Variants in NPAS3 observed in about 807,000 individuals in gnomAD.
The protein encoded by NPAS3 is neuronal PAS domain-containing protein 3.
A neutral mutation model predicts 73.1 loss-of-function variants in NPAS3; 14 were observed. The observed-to-expected ratio is 0.19, with a 90% CI of 0.13 to 0.30. The LOEUF (loss-of-function observed/expected upper bound fraction) is 0.30, where lower values mean the gene tolerates loss of function less well. Ranked by LOEUF, NPAS3 falls within the 10% of genes least tolerant of loss-of-function variation. NPAS3 has a pLI of 1.00. For missense variants in NPAS3, 1,096 were observed against 1,250.0 expected (o/e 0.88, Z 1.86); for synonymous variants, 620 against 541.5 (o/e 1.14, Z -2.01).
intron 1 of NPAS3, among the ~76,000 whole-genome samples, chr14:32,951,624 A>G (rs909336092): frequency 6.6e-6 from 1 of 152,154 alleles, no homozygotes; most frequent in Non-Finnish European, 1.5e-5. Context: ...CAATTGAGAC[A>G]GTAGAAGAAC....
chr14:33,665,230 G>A (rs930701891), intron 5 of NPAS3, among the ~76,000 whole-genome samples: 1 of 152,078 alleles, frequency 6.6e-6, no homozygotes, highest in African/African-American at 2.4e-5. Context: ...TCACTCATAA[G>A]TGGGAATTGA....
chr14:33,479,491 T>C (rs1183643883), intron 4 of NPAS3, among the ~76,000 whole-genome samples: 2 of 152,152 alleles, frequency 1.3e-5, no homozygotes, highest in Non-Finnish European at 2.9e-5. Context: ...ATGCAAATGT[T>C]ATAGATGACA....
intron 4 of NPAS3, among the ~76,000 whole-genome samples, chr14:33,413,896 C>T (rs1179422407): frequency 6.6e-6 from 1 of 152,008 alleles, no homozygotes; most frequent in Non-Finnish European, 1.5e-5. Flanking sequence ...GAATAAATTC[C>T]ATCACATTCC....
chr14:32,960,241 G>A (rs1227534666), intron 1 of NPAS3, among the ~76,000 whole-genome samples: 5 of 151,868 alleles, frequency 3.3e-5, no homozygotes, highest in African/African-American at 1.2e-4. Flanking sequence ...TCCTTACACT[G>A]ATTACCAAAG....
Position 33,033,789 on chromosome 14 carries a change from T to G in NPAS3, c.51-22116T>G, listed in dbSNP as rs1481647744. Among the ~76,000 whole-genome samples the G allele has an allele frequency of 3.3e-5, 5 of 152,228 alleles. No individual in the cohort carries two copies. In the East Asian group the frequency reaches 9.6e-4, roughly 29 times the overall value. Reference sequence around the variant, plus strand: ...AAGCTCTGCTTATGTCTACTCCTATTGTTGGTATATTGACATTCCTTTAGT... The same window carrying G: ...AAGCTCTGCTTATGTCTACTCCTATGGTTGGTATATTGACATTCCTTTAGT... On this transcript the variant is annotated intron_variant, in intron 1 of 11. Transcript: ENST00000356141.
chr14:32,942,860 G>C (rs1423365276), intron 1 of NPAS3, among the ~76,000 whole-genome samples: 1 of 152,132 alleles, frequency 6.6e-6, no homozygotes, highest in Non-Finnish European at 1.5e-5. Context: ...ATATCACAAG[G>C]CCAAGGGTCT....
chr14:33,094,938 T>C (rs190743472), intron 2 of NPAS3, among the ~76,000 whole-genome samples: 200 of 152,368 alleles, frequency 1.3e-3, no homozygotes, highest in African/African-American at 4.6e-3. Flanking sequence ...CAGGTGTTTT[T>C]CTGAAAGATT....
chr14:32,936,084 A>G (rs1418928839), upstream of NPAS3, among the ~76,000 whole-genome samples: 7 of 152,246 alleles, frequency 4.6e-5, no homozygotes, highest in Non-Finnish European at 5.9e-5. Flanking sequence ...TTTACCTTGT[A>G]TTTCAAACTT....
intron 4 of NPAS3, among the ~76,000 whole-genome samples, chr14:33,429,067 T>C (rs1209607618): frequency 6.6e-6 from 1 of 152,106 alleles, no homozygotes; most frequent in East Asian, 1.9e-4. Context: ...AAAAAGGTAC[T>C]GGAGATAAGA....
At chr14:33,729,195 A>G (rs950945848) in intron 6 of NPAS3, among the ~76,000 whole-genome samples, 2 of 152,150 alleles carry the variant, frequency 1.3e-5, no homozygotes, top group Non-Finnish European at 2.9e-5. Flanking sequence ...TTGGGCATTT[A>G]CTTTTGAAAA....
At chr14:33,068,708 G>C (rs571463647) in intron 2 of NPAS3, among the ~76,000 whole-genome samples, 1 of 152,324 alleles carries the variant, frequency 6.6e-6, no homozygotes, top group Admixed American at 6.5e-5. Context: ...GGTTATAATA[G>C]ATGGTGACCA....
At chr14:33,578,657 A>T (rs990114660) in intron 5 of NPAS3, among the ~76,000 whole-genome samples, 4 of 152,214 alleles carry the variant, frequency 2.6e-5, no homozygotes, top group Admixed American at 1.3e-4. Context: ...TTTTGCTCAT[A>T]TGTTAATAAT....
chr14:33,144,306 T>C (rs2044162854), intron 2 of NPAS3, among the ~76,000 whole-genome samples: 1 of 152,250 alleles, frequency 6.6e-6, no homozygotes, highest in African/African-American at 2.4e-5. Context: ...GCTTCCGTAG[T>C]GAAGAAGGAC....
chr14:33,617,126 G>A (rs2057943794), intron 5 of NPAS3, among the ~76,000 whole-genome samples: 1 of 152,176 alleles, frequency 6.6e-6, no homozygotes, highest in Non-Finnish European at 1.5e-5. Flanking sequence ...AGAAGTTTGA[G>A]CAAGGCTTTT....
At position 33,774,509 on chromosome 14, in the gene NPAS3, A is replaced by G. The variant is rs748669262; in HGVS notation, c.1025A>G (p.Asn342Ser). Reference sequence around the variant, plus strand: ...GTCACTCGAGTAAATATGGACCTCAATATCATTTACTGTGAAAATAGGTAC... The same window carrying G: ...GTCACTCGAGTAAATATGGACCTCAGTATCATTTACTGTGAAAATAGGTAC... Residue 342 changes from asparagine (N) to serine (S), a missense_variant, in exon 8 of 12, where the codon AAT (asparagine) becomes AGT (serine). By Grantham distance (46) the Asn-to-Ser change is conservative. Around this residue, in one of 5 missense-constraint regions of NPAS3, gnomAD observed 114 missense variants for 220.3 expected, o/e 0.52. Coordinates refer to ENST00000356141, the Ensembl canonical transcript of NPAS3. 2.0e-5 allele frequency: 33 copies of G among 1,613,894 alleles called. No homozygotes were observed. Among genetic ancestry groups the G allele is most frequent in the Admixed American group, 1.7e-5 (1 of 59,998 alleles).
chr14:33,600,106 G>A (rs1041573437), intron 5 of NPAS3, among the ~76,000 whole-genome samples: 8 of 152,158 alleles, frequency 5.3e-5, no homozygotes, highest in African/African-American at 1.4e-4. Context: ...AAATCTAGAT[G>A]TTTTGTTCCC....
At chr14:33,632,876 T>A (rs566896697) in intron 5 of NPAS3, among the ~76,000 whole-genome samples, 1 of 152,274 alleles carries the variant, frequency 6.6e-6, no homozygotes, top group South Asian at 2.1e-4. Context: ...AGAGTTTGGG[T>A]GGCTTGTAGC....
chr14:33,307,603 G>GTGTGTGTGTGTGTGTGTGTGTGTGTA (rs2042808099), intron 3 of NPAS3, among the ~76,000 whole-genome samples: 1 of 151,666 alleles, frequency 6.6e-6, no homozygotes, highest in Non-Finnish European at 1.5e-5. Flanking sequence ...ATGTGTGTGT[G>GTGTGTGTGTGTGTGTGTGTGTGTGTA]TGTGTGTGTT....
At chr14:32,961,068 C>T (rs2036891794) in intron 1 of NPAS3, among the ~76,000 whole-genome samples, 1 of 152,108 alleles carries the variant, frequency 6.6e-6, no homozygotes, top group Non-Finnish European at 1.5e-5. Context: ...GTTTAAAACT[C>T]AAAGTGATAT....
Sources: gnomAD v4.1 joint callset for allele counts (sites outside exome capture counted in the v4.1 genomes callset) on GRCh38, gnomAD v4.1.1 for gene constraint, gnomAD v4.1.1 regional missense constraint, MANE v1.5 for transcripts, NCBI Gene and HGNC (gene_info 2026-07-23, HGNC 2026-07-21) for gene names.